Variants in TAF1B observed in about 807,000 individuals in gnomAD.
The protein encoded by TAF1B is TATA-box binding protein associated factor, RNA polymerase I subunit B, also known as TATA box-binding protein-associated factor RNA polymerase I subunit B.
A neutral mutation model predicts 83.9 loss-of-function variants in TAF1B; 61 were observed. That is an observed-to-expected ratio of 0.73 (90% CI 0.59 to 0.90). The LOEUF (loss-of-function observed/expected upper bound fraction) is 0.90. TAF1B is among the 40% of genes least tolerant of loss of function. The pLI is 0.00. For missense variants in TAF1B, 625 were observed against 677.0 expected, an observed-to-expected ratio of 0.92 and a Z score of 0.85; for synonymous variants, 221 against 224.6, an observed-to-expected ratio of 0.98 and a Z score of 0.14.
chr2:9,867,404 C>T (rs556932733), intron 5 of TAF1B, among the ~76,000 whole-genome samples: 6 of 152,332 alleles, frequency 3.9e-5, no homozygotes, highest in African/African-American at 1.4e-4. Flanking sequence ...TAGCCTCCTT[C>T]TCACAGGGCT....
chr2:9,879,638 G>A (rs1664432468), intron 7 of TAF1B, among the ~76,000 whole-genome samples: 1 of 152,174 alleles, frequency 6.6e-6, no homozygotes, highest in African/African-American at 2.4e-5. Context: ...GCTGTGTGAT[G>A]AAGGAGCAGA....
chr2:9,900,814 A>C (rs1665158885), intron 8 of TAF1B, among the ~76,000 whole-genome samples: 1 of 152,162 alleles, frequency 6.6e-6, no homozygotes, highest in Admixed American at 6.5e-5. Context: ...AGGGATTAAA[A>C]TTTAGGGATG....
intron 11 of TAF1B, 50 bp downstream of exon 11, chr2:9,911,607 T>G: frequency 7.6e-7 from 1 of 1,321,520 alleles, no homozygotes; most frequent in Non-Finnish European, 1.0e-6. Flanking sequence ...AGATGATAGA[T>G]TAAAAGATGG....
At chr2:9,909,569 C>T (rs12479251) in intron 9 of TAF1B, among the ~76,000 whole-genome samples, 71,490 of 151,990 alleles carry the variant, frequency 0.47, 19,118 homozygotes, top group Non-Finnish European at 0.61. Flanking sequence ...TTAGTGAGTT[C>T]ATGAGAGCAG....
intron 8 of TAF1B, among the ~76,000 whole-genome samples, chr2:9,893,401 G>A (rs547327228): frequency 1.8e-4 from 27 of 147,280 alleles, no homozygotes; most frequent in Non-Finnish European, 3.8e-4. Context: ...CAATCTAAAT[G>A]TCTATCAACA....
At chr2:9,925,480 T>C (rs1331334476) in intron 14 of TAF1B, among the ~76,000 whole-genome samples, 1 of 152,108 alleles carries the variant, frequency 6.6e-6, no homozygotes, top group African/African-American at 2.4e-5. Context: ...TTTTTCCGTT[T>C]TACAGATGAG....
chr2:9,901,911 C>T (rs1665187924), intron 8 of TAF1B, among the ~76,000 whole-genome samples: 1 of 151,794 alleles, frequency 6.6e-6, no homozygotes, highest in African/African-American at 2.4e-5. Context: ...ACTTAAAATG[C>T]CACATTGCTA....
intron 5 of TAF1B, among the ~76,000 whole-genome samples, chr2:9,857,584 A>G (rs1396642440): frequency 6.6e-6 from 1 of 152,218 alleles, no homozygotes; most frequent in Admixed American, 6.5e-5. Context: ...TCACACTGCT[A>G]TAAAAATACT....
At chr2:9,894,951 A>G (rs1002758684) in intron 8 of TAF1B, among the ~76,000 whole-genome samples, 1 of 152,232 alleles carries the variant, frequency 6.6e-6, no homozygotes, top group African/African-American at 2.4e-5. Flanking sequence ...GAACAGGCAC[A>G]TATTAAGGAG....
At chr2:9,867,026 T>C (rs1406162058) in intron 5 of TAF1B, among the ~76,000 whole-genome samples, 4 of 152,122 alleles carry the variant, frequency 2.6e-5, no homozygotes, top group Non-Finnish European at 5.9e-5. Flanking sequence ...ACATGGCACA[T>C]GTATACATAT....
chr2:9,843,742 T>A, intron 1 of TAF1B, 183 bp downstream of exon 1: 2 of 598,886 alleles, frequency 3.3e-6, no homozygotes, highest in Non-Finnish European at 5.5e-6. Context: ...CGCGCGGCTT[T>A]GGTAAAGAGG....
chr2:9,917,443 T>G (rs761171748), intron 12 of TAF1B, among the ~76,000 whole-genome samples: 1 of 151,670 alleles, frequency 6.6e-6, no homozygotes, highest in Non-Finnish European at 1.5e-5. Context: ...ATTTTTAATC[T>G]GTTTTTCTGG....
chr2:9,845,664 G>A (rs1047873904), intron 2 of TAF1B: 6 of 259,518 alleles, frequency 2.3e-5, no homozygotes, highest in Admixed American at 2.0e-4. Flanking sequence ...GTGGCTTAGA[G>A]GTTTGGAAGA....
intron 8 of TAF1B, among the ~76,000 whole-genome samples, 180 bp from the exon 9 acceptor site, chr2:9,904,679 A>G (rs1282974359): frequency 6.6e-6 from 1 of 152,244 alleles, no homozygotes; most frequent in Non-Finnish European, 1.5e-5. Flanking sequence ...TGCTTTCTAC[A>G]GTGACTGAAC....
chr2:9,883,770 A>G (rs1176690966), intron 8 of TAF1B, among the ~76,000 whole-genome samples: 42 of 152,258 alleles, frequency 2.8e-4, no homozygotes, highest in Admixed American at 2.7e-3. Context: ...TTTGAATGTC[A>G]AAGGATTAAG....
intron 8 of TAF1B, among the ~76,000 whole-genome samples, chr2:9,899,438 T>A (rs1156984876): frequency 6.6e-6 from 1 of 152,216 alleles, no homozygotes; most frequent in African/African-American, 2.4e-5. Context: ...CTTTGTCTTA[T>A]ATAAAATATA....
intron 2 of TAF1B, chr2:9,846,222 C>A: frequency 2.3e-6 from 1 of 428,204 alleles, no homozygotes; most frequent in South Asian, 1.8e-5. Flanking sequence ...TTTTACCCAT[C>A]ACACCTGCCT....
At chr2:9,929,359 C>T (rs907085571) in intron 14 of TAF1B, among the ~76,000 whole-genome samples, 19 of 152,072 alleles carry the variant, frequency 1.2e-4, no homozygotes, top group Non-Finnish European at 2.2e-4. Context: ...GGGGTTTCAC[C>T]GTGTTAGCCA....
chr2:9,919,079 T>C lies in TAF1B; in HGVS notation c.1310T>C (p.Phe437Ser), dbSNP rs367838899. Residue 437 changes from phenylalanine to serine, a missense_variant, in exon 13 of 15, where the codon TTT (phenylalanine) becomes TCT (serine). Coordinates refer to ENST00000263663, the MANE Select transcript of TAF1B (RefSeq NM_005680.3). ...WKSEKPLYYS[F>S]VDKPVAYKKR... Reference sequence around the variant, plus strand: ...AGTGAAAAGCCACTCTACTACTCATTTGTCGACAAACCAGTAGCATATAAA... The same window carrying C: ...AGTGAAAAGCCACTCTACTACTCATCTGTCGACAAACCAGTAGCATATAAA... 1 of 1,614,150 alleles carries C rather than the reference T, an allele frequency of 6.2e-7. No homozygotes were observed. The highest frequency in any genetic ancestry group is 1.3e-5 in the African/African-American group (1 of 75,044).
Sources: gnomAD v4.1 joint callset for allele counts (sites outside exome capture counted in the v4.1 genomes callset) on GRCh38, gnomAD v4.1.1 for gene constraint, MANE v1.5 for transcripts, NCBI Gene and HGNC (gene_info 2026-07-23, HGNC 2026-07-21) for gene names.